The following WDR49 variants were observed in gnomAD, a reference collection of about 807,000 sequenced individuals.
WDR49 encodes WD repeat domain 49.
WDR49 carries 107 observed loss-of-function variants against 119.5 expected under a neutral mutation model. That is an observed-to-expected ratio of 0.90 (90% CI 0.77 to 1.05). WDR49 has a LOEUF of 1.05. WDR49 is among the 50% of genes least tolerant of loss of function. The pLI is 0.00. For synonymous variants in WDR49, 425 were observed against 418.8 expected (o/e 1.01, Z -0.18); for missense variants, 1,240 against 1,220.5 (o/e 1.02, Z -0.24).
chr3:167,543,729 A>G (rs1711983504), intron 10 of WDR49, among the ~76,000 whole-genome samples: 1 of 152,024 alleles, frequency 6.6e-6, no homozygotes, highest in Non-Finnish European at 1.5e-5. Context: ...GAGAATTGAA[A>G]CAAGACAAAA....
At chr3:167,607,492 A>G (rs1716118083) in intron 5 of WDR49, among the ~76,000 whole-genome samples, 1 of 152,138 alleles carries the variant, frequency 6.6e-6, no homozygotes, top group Non-Finnish European at 1.5e-5. Flanking sequence ...GGGTGCTCTC[A>G]CCCTATAATA....
rs557737380 is a variant in WDR49 at position 167,621,933 on chromosome 3, C to A, written c.607-290G>T. Reference sequence around the variant, plus strand: ...ATGGGAGACTAGACCACTAATCACACAGGAGAGACTAAGGCACAGAGATAT... The same window carrying A: ...ATGGGAGACTAGACCACTAATCACAAAGGAGAGACTAAGGCACAGAGATAT... On this transcript the variant is annotated intron_variant, in intron 3 of 18. Coordinates refer to ENST00000682715, the MANE Select transcript of WDR49 (RefSeq NM_001366157.1). Among the ~76,000 whole-genome samples, 144 of 152,222 alleles carry A rather than the reference C, an allele frequency of 9.5e-4. 2 individuals carry two copies. In the South Asian group the frequency reaches 0.028, roughly 29 times the overall value.
At chr3:167,651,720 C>A (rs528602251) in intron 2 of WDR49, among the ~76,000 whole-genome samples, 1 of 151,942 alleles carries the variant, frequency 6.6e-6, no homozygotes, top group Admixed American at 6.6e-5. Context: ...CTTTTCCAAC[C>A]GGTAATGTCA....
chr3:167,607,397 T>C (rs1478670683), intron 5 of WDR49, among the ~76,000 whole-genome samples: 1 of 152,190 alleles, frequency 6.6e-6, no homozygotes, highest in African/African-American at 2.4e-5. Context: ...TTATCCCCCA[T>C]ATGGAATTTC....
intron 2 of WDR49, among the ~76,000 whole-genome samples, chr3:167,648,750 C>T (rs921516976): frequency 1.3e-5 from 2 of 152,174 alleles, no homozygotes; most frequent in African/African-American, 4.8e-5. Flanking sequence ...GTGCTCTCCA[C>T]TGCTACCAGC....
At chr3:167,517,184 T>C (rs1305679192) in intron 16 of WDR49, among the ~76,000 whole-genome samples, 3 of 152,064 alleles carry the variant, frequency 2.0e-5, no homozygotes, top group Non-Finnish European at 4.4e-5. Context: ...AAAATTCATA[T>C]GGAACCAAAA....
intron 7 of WDR49, among the ~76,000 whole-genome samples, chr3:167,578,384 T>C (rs1280965764): frequency 6.6e-6 from 1 of 152,182 alleles, no homozygotes; most frequent in East Asian, 1.9e-4. Flanking sequence ...TTTTACTCTT[T>C]TACTCTTTCT....
chr3:167,603,073 A>C (rs765773435), intron 6 of WDR49, among the ~76,000 whole-genome samples: 3 of 152,158 alleles, frequency 2.0e-5, no homozygotes, highest in Non-Finnish European at 2.9e-5. Flanking sequence ...CTGTATGTGC[A>C]AGCAAAAAAG....
chr3:167,565,380 TACACACACACACAC>T (rs112641739), intron 8 of WDR49, among the ~76,000 whole-genome samples: 2 of 129,058 alleles, frequency 1.5e-5, no homozygotes, highest in East Asian at 2.2e-4. Context: ...CATATCTATC[TACACACACACACAC>T]ACACACACAC....
At chr3:167,549,813 G>A (rs887317691) in intron 10 of WDR49, among the ~76,000 whole-genome samples, 2 of 151,982 alleles carry the variant, frequency 1.3e-5, no homozygotes, top group South Asian at 2.1e-4. Context: ...CTTCCAGGAT[G>A]TTTACGGTTT....
intron 18 of WDR49, among the ~76,000 whole-genome samples, chr3:167,489,784 G>A (rs1751061546): frequency 6.6e-6 from 1 of 152,084 alleles, no homozygotes. Flanking sequence ...GCTATGTAAT[G>A]TACTATGCAA....
intron 10 of WDR49, among the ~76,000 whole-genome samples, chr3:167,540,565 C>A (rs1476019297): frequency 6.6e-6 from 1 of 152,098 alleles, no homozygotes; most frequent in Non-Finnish European, 1.5e-5. Context: ...CCTTGAATTC[C>A]AGATTTTTTC....
chr3:167,641,353 T>A (rs916236055), intron 2 of WDR49, among the ~76,000 whole-genome samples: 1 of 151,920 alleles, frequency 6.6e-6, no homozygotes, highest in South Asian at 2.1e-4. Flanking sequence ...CTTCTCAGTA[T>A]CTCTTGTAAG....
intron 4 of WDR49, among the ~76,000 whole-genome samples, chr3:167,620,980 G>C (rs1021343405): frequency 3.3e-5 from 5 of 151,960 alleles, no homozygotes; most frequent in African/African-American, 1.2e-4. Context: ...AGAAATAATT[G>C]TATCCAATAT....
intron 7 of WDR49, among the ~76,000 whole-genome samples, chr3:167,580,046 T>C (rs1714455021): frequency 6.6e-6 from 1 of 152,158 alleles, no homozygotes; most frequent in African/African-American, 2.4e-5. Flanking sequence ...TCACTGACAT[T>C]TAGTCACATA....
chr3:167,526,970 G>A (rs1752656702), intron 15 of WDR49, among the ~76,000 whole-genome samples: 1 of 152,110 alleles, frequency 6.6e-6, no homozygotes, highest in African/African-American at 2.4e-5. Flanking sequence ...AACATATTTT[G>A]TCCGCAAAAG....
chr3:167,529,348 G>T, intron 13 of WDR49, 109 bp from the exon 14 acceptor site: 1 of 955,592 alleles, frequency 1.0e-6, no homozygotes, highest in Non-Finnish European at 1.5e-6. Flanking sequence ...GAGGTGAGTA[G>T]CCCTGAGATC....
At chr3:167,611,112 C>T (rs1019649354) in intron 5 of WDR49, among the ~76,000 whole-genome samples, 1 of 152,028 alleles carries the variant, frequency 6.6e-6, no homozygotes, top group Non-Finnish European at 1.5e-5. Context: ...AATGATGAAC[C>T]AATCAATACT....
intron 5 of WDR49, among the ~76,000 whole-genome samples, chr3:167,612,423 A>G (rs1249975120): frequency 1.3e-5 from 2 of 152,080 alleles, no homozygotes; most frequent in African/African-American, 4.8e-5. Context: ...TTAAAGAACT[A>G]GAAAAGCAAG....
Sources: gnomAD v4.1 joint callset for allele counts (sites outside exome capture counted in the v4.1 genomes callset) on GRCh38, gnomAD v4.1.1 for gene constraint, MANE v1.5 for transcripts, NCBI Gene and HGNC (gene_info 2026-07-23, HGNC 2026-07-21) for gene names.